Variants in RBBP5 observed in about 807,000 individuals in gnomAD.
RBBP5 encodes retinoblastoma-binding protein 5.
RBBP5 carries 5 observed loss-of-function variants against 72.2 expected under a neutral mutation model. The ratio of observed to expected loss-of-function variants is 0.07; its 90% CI spans 0.04 to 0.15. RBBP5 has a LOEUF of 0.15. Ranked by LOEUF, RBBP5 falls within the 10% of genes least tolerant of loss-of-function variation. RBBP5 has a pLI of 1.00. For synonymous variants in RBBP5, 209 were observed against 237.2 expected (o/e 0.88, Z 1.09); for missense variants, 322 against 652.2 (o/e 0.49, Z 5.51).
chr1:205,101,540 T>C (rs1655822161), intron 6 of RBBP5, 60 bp downstream of exon 6: 3 of 1,210,352 alleles, frequency 2.5e-6, no homozygotes, highest in Non-Finnish European at 2.3e-6. Flanking sequence ...CAAATCTCCA[T>C]GTATTTTTGC....
rs1655555988 is a variant in RBBP5 at position 205,094,971 on chromosome 1, G to C, written c.1490C>G (p.Ser497Cys). The part of the protein sequence containing the change: ...PKGSKGKEKD[S>C]PFKPKLYKGD... ...TTTGTAGAGTTTCGGTTTAAATGGA[G>C]AATCTTTCTCTTTACCTTTTGATCC... Residue 497 changes from serine (S) to cysteine (C), a missense_variant, in exon 13 of 14, where the codon TCT becomes TGT. Transcript: ENST00000264515. 2 of 1,614,114 alleles carry C rather than the reference G, an allele frequency of 1.2e-6. No individual in the cohort carries two copies. The highest frequency in any genetic ancestry group is 1.7e-6 in the Non-Finnish European group (2 of 1,180,018).
intron 12 of RBBP5, 65 bp from the exon 13 acceptor site, chr1:205,095,129 TTTG>T: frequency 6.9e-7 from 1 of 1,459,034 alleles, no homozygotes; most frequent in Non-Finnish European, 9.5e-7. Context: ...CAACCACAAC[TTTG>T]TTGAGCAAAG....
At chr1:205,092,888 T>A (rs1006041214) in intron 13 of RBBP5, among the ~76,000 whole-genome samples, 1 of 152,242 alleles carries the variant, frequency 6.6e-6, no homozygotes, top group African/African-American at 2.4e-5. Context: ...ATAATTTCCT[T>A]TTGAAAAGCA....
At chr1:205,118,300 A>G (rs1656606080) in intron 1 of RBBP5, among the ~76,000 whole-genome samples, 1 of 152,156 alleles carries the variant, frequency 6.6e-6, no homozygotes, top group Non-Finnish European at 1.5e-5. Flanking sequence ...AGTGAGTTGG[A>G]ACAAATGTTG....
intron 12 of RBBP5, among the ~76,000 whole-genome samples, chr1:205,095,808 T>C (rs1655589052): frequency 6.6e-6 from 1 of 152,174 alleles, no homozygotes; most frequent in Non-Finnish European, 1.5e-5. Context: ...ATGGTACATA[T>C]ACCAAACAGT....
intron 11 of RBBP5, 90 bp from the exon 12 acceptor site, chr1:205,097,001 A>G (rs1036363093): frequency 8.7e-7 from 1 of 1,149,494 alleles, no homozygotes; most frequent in African/African-American, 1.5e-5. Flanking sequence ...TATATTAAGC[A>G]TAAGCAACAG....
intron 3 of RBBP5, among the ~76,000 whole-genome samples, chr1:205,108,019 C>T (rs1465880295): frequency 6.7e-6 from 1 of 148,620 alleles, no homozygotes; most frequent in East Asian, 2.0e-4. Flanking sequence ...TCAAGGCGGG[C>T]GGATCATGAG....
intron 4 of RBBP5, among the ~76,000 whole-genome samples, chr1:205,104,509 C>T (rs985383533): frequency 6.7e-6 from 1 of 150,212 alleles, no homozygotes; most frequent in Admixed American, 6.7e-5. Flanking sequence ...AGCGTCGCAG[C>T]GAGACTCCAT....
intron 13 of RBBP5, chr1:205,091,773 G>C (rs1244138296): frequency 1.3e-5 from 2 of 152,218 alleles, no homozygotes; most frequent in Non-Finnish European, 2.9e-5. Flanking sequence ...TGACTCAAAT[G>C]CTGAAGTTGT....
intron 1 of RBBP5, among the ~76,000 whole-genome samples, chr1:205,117,903 A>C (rs1416880715): frequency 6.6e-6 from 1 of 151,704 alleles, no homozygotes; most frequent in Non-Finnish European, 1.5e-5. Context: ...TCTGCCTCAC[A>C]GGTTTAAGTG....
intron 6 of RBBP5, among the ~76,000 whole-genome samples, chr1:205,101,036 C>G (rs936699616): frequency 1.3e-5 from 2 of 152,186 alleles, no homozygotes; most frequent in Non-Finnish European, 2.9e-5. Context: ...TGGTAATGCT[C>G]ACCTCCAGCT....
intron 3 of RBBP5, among the ~76,000 whole-genome samples, chr1:205,109,461 C>G (rs1157223585): frequency 2.6e-5 from 4 of 152,048 alleles, no homozygotes; most frequent in Admixed American, 2.6e-4. Context: ...AAAAAAGGAA[C>G]AGGTTTCGTT....
Position 205,100,154 on chromosome 1 carries a change from A to G in RBBP5, c.750T>C (p.Asn250=). Residue 250 remains asparagine, a splice_region_variant and synonymous_variant, in exon 7 of 14, where the codon AAT becomes AAC. Coordinates refer to ENST00000264515, the MANE Select transcript of RBBP5 (RefSeq NM_005057.4). ...EPMQKLQDLV[N]RTPWKKCCFS... is the part of the protein sequence containing the mutation. ...TTCTTCTAGGTTGTGATACATACCT[A>G]TTCACCAAATCCTGCAATTTCTGCA... 6.2e-7 allele frequency: 1 copy of G among 1,614,212 alleles called. No individual in the cohort carries two copies. The highest frequency in any genetic ancestry group is 2.2e-5 in the East Asian group (1 of 44,896).
At chr1:205,095,725 C>CA (rs1655585666) in intron 12 of RBBP5, among the ~76,000 whole-genome samples, 1 of 152,202 alleles carries the variant, frequency 6.6e-6, no homozygotes, top group African/African-American at 2.4e-5. Flanking sequence ...ACCTCTTACA[C>CA]ATAACCTCAG....
At chr1:205,097,488 G>A (rs1655661746) in intron 10 of RBBP5, 93 bp from the exon 11 acceptor site, 2 of 1,230,142 alleles carry the variant, frequency 1.6e-6, no homozygotes, top group East Asian at 2.6e-5. Flanking sequence ...AAATTCCAGA[G>A]AAACAAAGGA....
In RBBP5 at chr1:205,094,452, A is replaced by G. The variant is rs181100037; in HGVS notation, c.1588+421T>C. 1.1e-3 allele frequency among the ~76,000 whole-genome samples: 166 copies of G among 152,334 alleles called. 1 individual carries two copies. The highest frequency in any genetic ancestry group is 3.8e-3 in the African/African-American group (156 of 41,566). The stretch of plus-strand genomic sequence containing the variant: ...CAAGGACTATATAAAACAAGCTTGT[A>G]CTTCTGGCTACTTGTCTGGCTCTTT... On this transcript the variant is annotated intron_variant, in intron 13 of 13. Transcript: ENST00000264515.
chr1:205,115,009 T>C (rs375828340), intron 2 of RBBP5, 48 bp from the exon 3 acceptor site: 4 of 1,472,924 alleles, frequency 2.7e-6, no homozygotes, highest in South Asian at 1.3e-5. Context: ...TAGCCAGGTA[T>C]CCAAATTATT....
In RBBP5 at chr1:205,088,671, T is replaced by C; in HGVS notation, c.*116A>G. On this transcript the variant is annotated 3_prime_UTR_variant, in exon 14 of 14. Transcript: ENST00000264515. ...ACATAAAATTCACCCTCCCACCTCC[T>C]GGGTGGGAGGCACAGGCCTTTGTTT... The C allele has an allele frequency of 9.6e-7, 1 of 1,041,104 alleles. No individual in the cohort carries two copies. Among genetic ancestry groups the C allele is most frequent in the Non-Finnish European group, 1.4e-6 (1 of 704,148 alleles). 64.5% of individuals were successfully genotyped at this position (1,041,104 alleles called of 1,614,324 possible).
At chr1:205,098,907 A>C in intron 10 of RBBP5, 82 bp downstream of exon 10, 1 of 957,670 alleles carries the variant, frequency 1.0e-6, no homozygotes, top group East Asian at 2.9e-5. Flanking sequence ...TGCTGAAATA[A>C]ATTTACAACA....
Sources: gnomAD v4.1 joint callset for allele counts (sites outside exome capture counted in the v4.1 genomes callset) on GRCh38, gnomAD v4.1.1 for gene constraint, MANE v1.5 for transcripts, NCBI Gene and HGNC (gene_info 2026-07-23, HGNC 2026-07-21) for gene names.